GRM5: variants seen among roughly 807,000 people sequenced by gnomAD.
The protein encoded by GRM5 is metabotropic glutamate receptor 5.
GRM5 carries 19 observed loss-of-function variants against 83.1 expected under a neutral mutation model. The observed-to-expected ratio is 0.23, with a 90% CI of 0.16 to 0.34. The LOEUF (loss-of-function observed/expected upper bound fraction) is 0.34. Among genes scored for constraint, GRM5 ranks in the 10% least tolerant of loss-of-function variants. The pLI is 1.00. For synonymous variants in GRM5, 675 were observed against 633.6 expected (o/e 1.07, Z -0.98); for missense variants, 1,160 against 1,588.3 (o/e 0.73, Z 4.58).
intron 2 of GRM5, among the ~76,000 whole-genome samples, chr11:89,027,141 GC>G (rs1174758648): frequency 6.6e-6 from 1 of 151,678 alleles, no homozygotes; most frequent in Non-Finnish European, 1.5e-5. Context: ...CTGTTGCCAG[GC>G]TGGAGTGCAG....
chr11:88,732,262 G>C (rs1941822881), intron 3 of GRM5, among the ~76,000 whole-genome samples: 1 of 152,064 alleles, frequency 6.6e-6, no homozygotes, highest in Non-Finnish European at 1.5e-5. Flanking sequence ...TAATCCAGTG[G>C]CTAGCCCATG....
At chr11:88,915,473 C>T (rs946580640) in intron 2 of GRM5, among the ~76,000 whole-genome samples, 4 of 152,050 alleles carry the variant, frequency 2.6e-5, no homozygotes, top group Non-Finnish European at 5.9e-5. Context: ...TAAGTTCTTG[C>T]TCCCTTGCCC....
At chr11:88,816,550 AAAAAG>A (rs1555020776) in intron 3 of GRM5, among the ~76,000 whole-genome samples, 5 of 141,958 alleles carry the variant, frequency 3.5e-5, no homozygotes, top group Non-Finnish European at 5.9e-5. Flanking sequence ...AAAAAAAAAA[AAAAAG>A]AAAAGAAAAG....
At chr11:88,581,778 A>G (rs954818574) in intron 7 of GRM5, among the ~76,000 whole-genome samples, 2 of 152,210 alleles carry the variant, frequency 1.3e-5, no homozygotes, top group African/African-American at 4.8e-5. Context: ...TGAAAAAGCG[A>G]CCGTGAAATG....
chr11:88,539,923 T>C (rs1942225765), intron 8 of GRM5, among the ~76,000 whole-genome samples: 1 of 152,220 alleles, frequency 6.6e-6, no homozygotes, highest in Non-Finnish European at 1.5e-5. Context: ...TAATTAAATA[T>C]CTGCCTGACT....
chr11:88,959,240 A>G (rs1453716487), intron 2 of GRM5, among the ~76,000 whole-genome samples: 5 of 152,168 alleles, frequency 3.3e-5, no homozygotes, highest in Non-Finnish European at 5.9e-5. Flanking sequence ...CTGAAAATAC[A>G]AATGTTAAGA....
intron 7 of GRM5, among the ~76,000 whole-genome samples, chr11:88,576,685 A>C (rs1305675710): frequency 6.6e-6 from 1 of 152,206 alleles, no homozygotes; most frequent in Non-Finnish European, 1.5e-5. Context: ...TTCACAGATG[A>C]GAAATTAAAG....
rs557292468 is a variant in GRM5 at position 88,508,033 on chromosome 11, C to T, written c.*559G>A. On this transcript the variant is annotated 3_prime_UTR_variant, in exon 10 of 10. Transcript: ENST00000305447. This position sits in a 1 kb window ranked among gnomAD's most constrained non-coding sequence, Gnocchi z 4.2. The stretch of plus-strand genomic sequence containing the variant: ...GCATGGGACACATTCACAACGCCTC[C>T]GTAAATACTGGACCCAAGTTACTGC... The T allele has an allele frequency of 1.3e-5, 2 of 152,978 alleles. No homozygotes were observed. Among genetic ancestry groups the T allele is most frequent in the South Asian group, 2.1e-4 (1 of 4,834 alleles). 9.5% of individuals were successfully genotyped at this position (152,978 alleles called of 1,614,324 possible).
chr11:88,653,502 A>G, intron 3 of GRM5, 99 bp from the exon 4 acceptor site: 2 of 718,344 alleles, frequency 2.8e-6, no homozygotes, highest in Non-Finnish European at 4.7e-6. Context: ...TTAAATGGCT[A>G]CCTCAGGCCC....
At chr11:88,838,887 AC>A (rs1831770309) in intron 3 of GRM5, among the ~76,000 whole-genome samples, 1 of 151,492 alleles carries the variant, frequency 6.6e-6, no homozygotes, top group Admixed American at 6.6e-5. Context: ...ACACACACAC[AC>A]ACACACACAC....
At chr11:88,679,414 A>G (rs1940419000) in intron 3 of GRM5, among the ~76,000 whole-genome samples, 1 of 152,194 alleles carries the variant, frequency 6.6e-6, no homozygotes, top group African/African-American at 2.4e-5. Context: ...GAAACATTAC[A>G]TATACTACTT....
rs74352256 is a variant in GRM5, at chr11:88,516,500, A to C, written c.2727-6996T>G. Among the ~76,000 whole-genome samples the C allele has an allele frequency of 7.1e-3, 1,085 of 152,292 alleles. 3 individuals are homozygous for C. Among genetic ancestry groups the C allele is most frequent in the Non-Finnish European group, 0.012 (832 of 68,020 alleles). ...AAATCCTGAGGGACTGTAAGATAAA[A>C]GTTGTCCCAGGATGTTTAGAATGGT... On this transcript the variant is annotated intron_variant, in intron 9 of 9. Transcript: ENST00000305447.
intron 3 of GRM5, among the ~76,000 whole-genome samples, chr11:88,803,267 G>C (rs201751021): frequency 4.6e-5 from 7 of 151,552 alleles, no homozygotes; most frequent in Admixed American, 6.6e-5. Flanking sequence ...GAGGCATCAC[G>C]CTACCTGACT....
intron 3 of GRM5, among the ~76,000 whole-genome samples, chr11:88,786,251 G>C (rs1337322724): frequency 6.6e-6 from 1 of 152,094 alleles, no homozygotes; most frequent in African/African-American, 2.4e-5. Flanking sequence ...ATAGGAATTT[G>C]ATAGGTAAGA....
At chr11:88,786,985 G>T (rs1407829896) in intron 3 of GRM5, among the ~76,000 whole-genome samples, 2 of 152,190 alleles carry the variant, frequency 1.3e-5, no homozygotes, top group East Asian at 3.9e-4. Context: ...TAATGTTTCA[G>T]ATGCCCTTTG....
chr11:88,906,619 G>T (rs970059062), intron 2 of GRM5, among the ~76,000 whole-genome samples: 1 of 152,110 alleles, frequency 6.6e-6, no homozygotes, highest in Non-Finnish European at 1.5e-5. Flanking sequence ...CAAAATATAG[G>T]AAATTCTCTG....
intron 3 of GRM5, among the ~76,000 whole-genome samples, chr11:88,777,347 T>C (rs1432001572): frequency 1.3e-5 from 2 of 152,218 alleles, no homozygotes; most frequent in Non-Finnish European, 2.9e-5. Flanking sequence ...CTTATCTTTT[T>C]TCAAGGTTTT....
At chr11:88,710,136 G>A (rs1326087116) in intron 3 of GRM5, among the ~76,000 whole-genome samples, 1 of 152,150 alleles carries the variant, frequency 6.6e-6, no homozygotes, top group Non-Finnish European at 1.5e-5. Flanking sequence ...AAGATTTCCT[G>A]AAGATAGCCA....
At chr11:88,605,753 A>G (rs1468798229) in intron 4 of GRM5, among the ~76,000 whole-genome samples, 1 of 152,196 alleles carries the variant, frequency 6.6e-6, no homozygotes, top group Non-Finnish European at 1.5e-5. Context: ...ATCCCTTCCA[A>G]TAGAAGGTTC....
Sources: allele counts gnomAD v4.1 joint callset (sites outside exome capture counted in the v4.1 genomes callset), GRCh38; gene constraint gnomAD v4.1.1; non-coding constraint Gnocchi (gnomAD v3.1); transcripts MANE v1.5; gene names NCBI Gene and HGNC (gene_info 2026-07-23, HGNC 2026-07-21).